Variants in DPP10 observed in about 807,000 individuals in gnomAD.
DPP10 encodes the protein inactive dipeptidyl peptidase 10.
In DPP10, 33 loss-of-function variants were observed where a neutral mutation model predicts 120.9. The ratio of observed to expected loss-of-function variants is 0.27; its 90% CI spans 0.21 to 0.37. The LOEUF (loss-of-function observed/expected upper bound fraction) is 0.37. Ranked by LOEUF, DPP10 falls within the 10% of genes least tolerant of loss-of-function variation. DPP10 has a pLI of 1.00. For missense variants in DPP10, 816 were observed against 942.8 expected (o/e 0.87, Z 1.76); for synonymous variants, 337 against 326.1 (o/e 1.03, Z -0.36).
At chr2:114,785,744 A>C (rs1199949262) in intron 1 of DPP10, among the ~76,000 whole-genome samples, 1 of 152,194 alleles carries the variant, frequency 6.6e-6, no homozygotes, top group South Asian at 2.1e-4. Context: ...GGGGAGCTGA[A>C]GACTTTGTAC....
intron 5 of DPP10, among the ~76,000 whole-genome samples, chr2:115,591,784 T>G (rs2082681055): frequency 2.0e-5 from 3 of 152,254 alleles, no homozygotes; most frequent in Non-Finnish European, 4.4e-5. Context: ...TTCCTATCCA[T>G]GAGCATAGAA....
At chr2:114,931,507 C>T (rs1294487993) in intron 1 of DPP10, among the ~76,000 whole-genome samples, 1 of 152,276 alleles carries the variant, frequency 6.6e-6, no homozygotes, top group East Asian at 1.9e-4. Flanking sequence ...CTGAGCCAGG[C>T]CAAGTCATTC....
At chr2:114,785,522 A>G (rs1444966426) in intron 1 of DPP10, among the ~76,000 whole-genome samples, 4 of 152,226 alleles carry the variant, frequency 2.6e-5, no homozygotes, top group African/African-American at 9.6e-5. Flanking sequence ...TCTTTGAGCC[A>G]TGTGAAGTGC....
chr2:114,450,795 G>C (rs1678224571), intron 1 of DPP10, among the ~76,000 whole-genome samples: 2 of 151,914 alleles, frequency 1.3e-5, no homozygotes. Flanking sequence ...TGACCAAACA[G>C]AGACAACCCC....
intron 1 of DPP10, among the ~76,000 whole-genome samples, chr2:114,662,686 A>G (rs1308042056): frequency 1.3e-5 from 2 of 152,120 alleles, no homozygotes; most frequent in Non-Finnish European, 2.9e-5. Flanking sequence ...CACAACGCGC[A>G]GAAACCAAGC....
chr2:115,752,859 T>C (rs1317572864), intron 10 of DPP10, among the ~76,000 whole-genome samples: 3 of 152,152 alleles, frequency 2.0e-5, no homozygotes, highest in Non-Finnish European at 2.9e-5. Context: ...TAGCATGTCA[T>C]TGTTTTGATT....
chr2:115,193,408 A>G (rs2055023672), intron 1 of DPP10, among the ~76,000 whole-genome samples: 1 of 152,206 alleles, frequency 6.6e-6, no homozygotes, highest in South Asian at 2.1e-4. Flanking sequence ...AAGTTAGGAT[A>G]ATACATGTTA....
intron 1 of DPP10, among the ~76,000 whole-genome samples, chr2:114,788,469 G>A (rs1682957180): frequency 6.6e-6 from 1 of 150,896 alleles, no homozygotes; most frequent in Admixed American, 6.6e-5. Context: ...AGGCTGGAGT[G>A]CAGTGGCACA....
intron 1 of DPP10, among the ~76,000 whole-genome samples, chr2:115,170,746 T>C (rs1197593744): frequency 6.6e-6 from 1 of 152,154 alleles, no homozygotes; most frequent in Non-Finnish European, 1.5e-5. Flanking sequence ...ACACCCATAG[T>C]GAGAGTGATA....
intron 1 of DPP10, among the ~76,000 whole-genome samples, chr2:114,559,916 A>T (rs1290132141): frequency 1.3e-5 from 2 of 150,226 alleles, no homozygotes; most frequent in Non-Finnish European, 3.0e-5. Context: ...AAAAAAACAA[A>T]GGAAGGAAAG....
At position 114,697,556 on chromosome 2, in the gene DPP10, C is replaced by T. The variant is rs191755174; in HGVS notation, c.60+254718C>T. ...ATGAGGTCAGCAATTCAAGAACAGC[C>T]TGTCCAACATGATGAAACCCCGTCT... On this transcript the variant is annotated intron_variant, in intron 1 of 25. Transcript: ENST00000410059. 3.7e-3 allele frequency among the ~76,000 whole-genome samples: 555 copies of T among 151,940 alleles called. 4 individuals carry two copies. Among genetic ancestry groups the T allele is most frequent in the African/African-American group, 0.012 (516 of 41,468 alleles).
intron 1 of DPP10, among the ~76,000 whole-genome samples, chr2:115,015,224 T>G (rs1276809667): frequency 6.6e-6 from 1 of 152,002 alleles, no homozygotes; most frequent in Non-Finnish European, 1.5e-5. Flanking sequence ...CGTAACCCAT[T>G]ACATAAACAG....
chr2:115,411,384 T>C (rs2068945348), intron 3 of DPP10, among the ~76,000 whole-genome samples: 1 of 145,270 alleles, frequency 6.9e-6, no homozygotes, highest in African/African-American at 2.5e-5. Flanking sequence ...CTGTCCATTG[T>C]TGAATGATGG....
chr2:115,042,279 T>G (rs1364560912), intron 1 of DPP10, among the ~76,000 whole-genome samples: 1 of 152,200 alleles, frequency 6.6e-6, no homozygotes, highest in East Asian at 1.9e-4. Context: ...TGTAATTATT[T>G]TTTTTTTGAC....
chr2:115,590,752 C>T (rs533287394), intron 5 of DPP10, among the ~76,000 whole-genome samples: 30 of 152,300 alleles, frequency 2.0e-4, no homozygotes, highest in Non-Finnish European at 3.7e-4. Context: ...CACTGTCTTC[C>T]GCAATGGTTG....
rs143118842 is a variant in DPP10 at position 114,718,858 on chromosome 2, G to A, written c.60+276020G>A. On this transcript the variant is annotated intron_variant, in intron 1 of 25. Transcript: ENST00000410059. ...GGAAACTGAGGTGCAGAGAGGCTAA[G>A]TGTTCTTTGTAATGTCACAGGGGAT... Among the ~76,000 whole-genome samples the A allele has an allele frequency of 3.9e-4, 60 of 152,298 alleles. No individual in the cohort carries two copies. In the East Asian group the frequency reaches 0.011, roughly 28 times the overall value.
At chr2:115,691,971 A>G (rs569640848) in intron 7 of DPP10, among the ~76,000 whole-genome samples, 301 of 152,230 alleles carry the variant, frequency 2.0e-3, no homozygotes, top group South Asian at 0.019. Context: ...TTTATTTAAT[A>G]TATATCAACC....
chr2:115,218,344 C>G (rs928419388), intron 1 of DPP10, among the ~76,000 whole-genome samples: 1 of 152,020 alleles, frequency 6.6e-6, no homozygotes, highest in Admixed American at 6.6e-5. Flanking sequence ...CATATTTTTC[C>G]TATGATTTTA....
intron 1 of DPP10, among the ~76,000 whole-genome samples, chr2:114,577,684 C>G (rs1396749576): frequency 6.6e-6 from 1 of 152,078 alleles, no homozygotes; most frequent in African/African-American, 2.4e-5. Flanking sequence ...AATTTGTTCT[C>G]TCACGGTTCT....
Sources: allele counts gnomAD v4.1 joint callset (sites outside exome capture counted in the v4.1 genomes callset), GRCh38; gene constraint gnomAD v4.1.1; transcripts MANE v1.5; gene names NCBI Gene and HGNC (gene_info 2026-07-23, HGNC 2026-07-21).